TBC1D32: variants seen among roughly 807,000 people sequenced by gnomAD.
TBC1D32 encodes protein broad-minded.
A neutral mutation model predicts 170.3 loss-of-function variants in TBC1D32; 151 were observed. The observed-to-expected ratio is 0.89, with a 90% CI of 0.78 to 1.01. The LOEUF is 1.01. Ranked by LOEUF, TBC1D32 falls within the 50% of genes least tolerant of loss-of-function variation. The pLI, the probability that TBC1D32 is intolerant of heterozygous loss-of-function variation, is 0.00. For missense variants in TBC1D32, 1,464 were observed against 1,457.1 expected (o/e 1.00, Z -0.08); for synonymous variants, 498 against 488.0 (o/e 1.02, Z -0.27).
At chr6:121,239,753 CA>C (rs1453567532) in intron 19 of TBC1D32, among the ~76,000 whole-genome samples, 1 of 152,006 alleles carries the variant, frequency 6.6e-6, no homozygotes, top group Non-Finnish European at 1.5e-5. Context: ...TCATACTATA[CA>C]ACTAAACGAA....
At chr6:121,158,562 G>A (rs113408175) in intron 24 of TBC1D32, among the ~76,000 whole-genome samples, 6 of 152,220 alleles carry the variant, frequency 3.9e-5, no homozygotes, top group African/African-American at 1.4e-4. Context: ...CATTTGGTTG[G>A]AGGTAAGAGG....
At chr6:121,286,309 G>A (rs1170651492) in intron 12 of TBC1D32, among the ~76,000 whole-genome samples, 1 of 152,170 alleles carries the variant, frequency 6.6e-6, no homozygotes, top group East Asian at 1.9e-4. Flanking sequence ...TGATGGAGCT[G>A]AAAACCAATG....
At chr6:121,081,696 G>A (rs1009171658) in intron 31 of TBC1D32, among the ~76,000 whole-genome samples, 1 of 151,864 alleles carries the variant, frequency 6.6e-6, no homozygotes, top group Non-Finnish European at 1.5e-5. Flanking sequence ...TCATATACTA[G>A]ATACTGTGTT....
At chr6:121,321,539 G>A (rs574267567) in intron 2 of TBC1D32, 94 bp downstream of exon 2, 120 of 1,181,558 alleles carry the variant, frequency 1.0e-4, no homozygotes, top group Non-Finnish European at 1.3e-4. Context: ...TGGCTGCTAT[G>A]AGGGAAATAG....
chr6:121,229,435 A>G (rs1321967975), intron 20 of TBC1D32, among the ~76,000 whole-genome samples: 1 of 152,110 alleles, frequency 6.6e-6, no homozygotes, highest in Admixed American at 6.6e-5. Flanking sequence ...GGATTTCAGG[A>G]AGTGCACAGT....
chr6:121,240,765 G>A (rs1796873355), intron 19 of TBC1D32, among the ~76,000 whole-genome samples: 1 of 149,800 alleles, frequency 6.7e-6, no homozygotes, highest in Non-Finnish European at 1.5e-5. Flanking sequence ...GTGGCCTCCT[G>A]TAATCTCAGC....
intron 21 of TBC1D32, among the ~76,000 whole-genome samples, chr6:121,206,806 A>G (rs7755009): frequency 0.014 from 2,124 of 152,296 alleles, 43 homozygotes; most frequent in African/African-American, 0.047. Context: ...TTTGCTGGGC[A>G]CTACTTGCTT....
chr6:121,263,279 G>A (rs1346469201), intron 15 of TBC1D32, among the ~76,000 whole-genome samples: 4 of 151,718 alleles, frequency 2.6e-5, no homozygotes, highest in African/African-American at 9.7e-5. Context: ...AAAAAAAGCA[G>A]GGGTTTCAAC....
chr6:121,299,594 A>T, intron 9 of TBC1D32, 89 bp from the exon 10 acceptor site: 1 of 1,270,710 alleles, frequency 7.9e-7, no homozygotes. Context: ...CAACATCATA[A>T]ATCACACAAT....
At chr6:121,301,132 C>A (rs149174406) in intron 9 of TBC1D32, among the ~76,000 whole-genome samples, 1 of 152,056 alleles carries the variant, frequency 6.6e-6, no homozygotes. Flanking sequence ...GGCAGTGTGG[C>A]GATTCCTCAA....
chr6:121,297,464 T>A (rs963561605), intron 10 of TBC1D32, among the ~76,000 whole-genome samples: 1 of 152,068 alleles, frequency 6.6e-6, no homozygotes, highest in South Asian at 2.1e-4. Flanking sequence ...TGGCACTACA[T>A]AAAACCATTT....
At chr6:121,113,541 G>T (rs1051967150) in intron 27 of TBC1D32, among the ~76,000 whole-genome samples, 4 of 152,154 alleles carry the variant, frequency 2.6e-5, no homozygotes, top group Non-Finnish European at 5.9e-5. Flanking sequence ...CTAAATGGAG[G>T]TGGTACTTCC....
chr6:121,214,264 C>T (rs1404406669), intron 21 of TBC1D32, among the ~76,000 whole-genome samples: 2 of 152,200 alleles, frequency 1.3e-5, no homozygotes, highest in Non-Finnish European at 2.9e-5. Context: ...TGTTGATTCA[C>T]CAGCTGGAAA....
At chr6:121,238,936 G>T in intron 20 of TBC1D32, 134 bp downstream of exon 20, 1 of 460,792 alleles carries the variant, frequency 2.2e-6, no homozygotes, top group East Asian at 3.2e-5. Flanking sequence ...ATAATAGTTT[G>T]AAAATTAAAA....
chr6:121,233,725 G>A (rs976182223), intron 20 of TBC1D32, among the ~76,000 whole-genome samples: 6 of 152,246 alleles, frequency 3.9e-5, no homozygotes, highest in South Asian at 4.1e-4. Context: ...GTATTGAGAC[G>A]TGAGGTACTG....
intron 29 of TBC1D32, among the ~76,000 whole-genome samples, chr6:121,109,984 G>T (rs1779048065): frequency 6.6e-6 from 1 of 151,874 alleles, no homozygotes; most frequent in Non-Finnish European, 1.5e-5. Flanking sequence ...AATTTATGTG[G>T]CTCATGCCTG....
At chr6:121,204,045 G>A (rs1791920256) in intron 22 of TBC1D32, among the ~76,000 whole-genome samples, 1 of 150,448 alleles carries the variant, frequency 6.6e-6, no homozygotes, top group African/African-American at 2.5e-5. Flanking sequence ...GGCCAAAATC[G>A]ATGTTCTATA....
intron 22 of TBC1D32, among the ~76,000 whole-genome samples, chr6:121,196,962 C>G (rs554596401): frequency 3.3e-5 from 5 of 152,278 alleles, no homozygotes; most frequent in African/African-American, 9.6e-5. Flanking sequence ...ATTACATTCT[C>G]TTGGCCTAGA....
intron 31 of TBC1D32, among the ~76,000 whole-genome samples, chr6:121,085,805 A>G (rs1234488073): frequency 6.6e-6 from 1 of 152,092 alleles, no homozygotes. Flanking sequence ...GTTCTTGAAG[A>G]TTTAAACTCA....
Sources: allele counts gnomAD v4.1 joint callset (sites outside exome capture counted in the v4.1 genomes callset), GRCh38; gene constraint gnomAD v4.1.1; transcripts MANE v1.5; gene names NCBI Gene and HGNC (gene_info 2026-07-23, HGNC 2026-07-21).